EIF1: variants seen among roughly 807,000 people sequenced by gnomAD.
The protein encoded by EIF1 is eukaryotic translation initiation factor 1.
Under a neutral mutation model 13.7 loss-of-function variants are expected in EIF1, and 4 were observed. That is an observed-to-expected ratio of 0.29 (90% CI 0.14 to 0.67). The LOEUF (loss-of-function observed/expected upper bound fraction) is 0.67, where lower values mean the gene tolerates loss of function less well. EIF1 is among the 30% of genes least tolerant of loss of function. The pLI is 0.77. For missense variants in EIF1, 64 were observed against 138.0 expected (o/e 0.46, Z 2.69); for synonymous variants, 67 against 50.7 (o/e 1.32, Z -1.37).
In EIF1 at chr17:41,689,130, C is replaced by T. The variant is rs1910287261; in HGVS notation, c.31+61C>T. The T allele has an allele frequency of 3.2e-6, 5 of 1,585,752 alleles. No homozygotes were observed. The South Asian group carries it at 4.4e-5, about 14-fold the overall frequency. Reference sequence around the variant, plus strand: ...CAGCGGGGCCTTCCGGGCCCGGAGACGTGTTCCGGGAAGTTGCCAAGCGCT... The same window carrying T: ...CAGCGGGGCCTTCCGGGCCCGGAGATGTGTTCCGGGAAGTTGCCAAGCGCT... On this transcript the variant is annotated intron_variant, in intron 1 of 3. Transcript: ENST00000469257.
At chr17:41,689,236 G>A (rs1910291172) in intron 1 of EIF1, 167 bp downstream of exon 1, 2 of 768,818 alleles carry the variant, frequency 2.6e-6, no homozygotes, top group Admixed American at 5.4e-5. Context: ...CCCGGGGTCG[G>A]ACCCTGAGCG....
intron 3 of EIF1, 33 bp downstream of exon 3, chr17:41,690,222 C>A (rs372605679): frequency 1.3e-6 from 2 of 1,560,098 alleles, no homozygotes; most frequent in Non-Finnish European, 1.8e-6. Context: ...TTGTGCCTCT[C>A]TGCTGGCAAA....
chr17:41,691,083 C>A lies in EIF1; in HGVS notation c.*257C>A, dbSNP rs900617676. On this transcript the variant is annotated 3_prime_UTR_variant, in exon 4 of 4. Transcript: ENST00000469257. ...GTGTCAAGCCTGAAACCAAGCAATA[C>A]CGTCATGTTTCAGCCAAGCCCAGAG... 1 of 564,198 alleles carries A rather than the reference C, an allele frequency of 1.8e-6. No homozygotes were observed. The highest frequency in any genetic ancestry group is 1.9e-5 in the African/African-American group (1 of 53,568). The allele number at this position is 564,198 out of a possible 1,614,324, so 34.9% of individuals were successfully genotyped here. A position where few individuals can be genotyped will look rare whatever the true frequency, so the allele number is the denominator to read the frequency against.
chr17:41,690,023 C>T (rs772993621), intron 2 of EIF1, 65 bp from the exon 3 acceptor site: 20 of 1,609,194 alleles, frequency 1.2e-5, no homozygotes, highest in Non-Finnish European at 1.5e-5. Flanking sequence ...GTATTGTTAG[C>T]GGAAGGGGTG....
intron 1 of EIF1, 58 bp downstream of exon 1, chr17:41,689,127 A>G: frequency 6.3e-7 from 1 of 1,592,856 alleles, no homozygotes; most frequent in African/African-American, 1.3e-5. Flanking sequence ...CCGGGCCCGG[A>G]GACGTGTTCC....
rs983870939 is a variant in EIF1 at position 41,692,573 on chromosome 17, A to G, written c.*1747A>G. The G allele has an allele frequency of 6.6e-6, 1 of 152,182 alleles. No individual in the cohort carries two copies. Among genetic ancestry groups the G allele is most frequent in the Non-Finnish European group, 1.5e-5 (1 of 68,038 alleles). 9.4% of individuals were successfully genotyped at this position (152,182 alleles called of 1,614,324 possible). ...GATTATAATACTGTATTTTTACTGTACCTTTTAACATTGTGTTACAATGGC... is the reference window on the plus strand; with the variant it reads ...GATTATAATACTGTATTTTTACTGTGCCTTTTAACATTGTGTTACAATGGC... On this transcript the variant is annotated 3_prime_UTR_variant, in exon 4 of 4. Transcript: ENST00000469257.
rs202075091 is a variant in EIF1 at position 41,690,830 on chromosome 17, C to T, written c.*4C>T. 2.9e-5 allele frequency: 46 copies of T among 1,613,486 alleles called. No individual in the cohort carries two copies. The African/African-American group carries it at 5.3e-4, about 19-fold the overall frequency. On this transcript the variant is annotated 3_prime_UTR_variant, in exon 4 of 4. Transcript: ENST00000469257. ...GCTGAAGGTTCATGGGTTTTAAGTG[C>T]TTGTGGCTCACTGAAGCTTAAGTGA...
intron 1 of EIF1, chr17:41,689,290 G>A (rs1443771549): frequency 6.6e-6 from 4 of 608,258 alleles, no homozygotes; most frequent in South Asian, 3.9e-5. Context: ...GGGCGGGCCC[G>A]GCGTCTCAGT....
In EIF1 at chr17:41,689,985, C is replaced by T. The variant is rs1403618867; in HGVS notation, c.195+44C>T. On this transcript the variant is annotated intron_variant, in intron 2 of 3. Transcript: ENST00000469257. ...TTTGGGAAAGTCATAATGGATTTGT[C>T]CACAAGGGGGTGCCAGCTGTGTTGT... 14 of 1,611,684 alleles carry T rather than the reference C, an allele frequency of 8.7e-6. No individual in the cohort carries two copies. In the East Asian group the frequency reaches 1.1e-4, roughly 13 times the overall value.
At position 41,692,111 on chromosome 17, in the gene EIF1, C is replaced by G. The variant is rs1224689219; in HGVS notation, c.*1285C>G. The G allele has an allele frequency of 6.6e-6, 1 of 152,290 alleles. No individual in the cohort carries two copies. The highest frequency in any genetic ancestry group is 2.4e-5 in the African/African-American group (1 of 41,456). The allele number at this position is 152,290 out of a possible 1,614,324, so 9.4% of individuals were successfully genotyped here. A position where few individuals can be genotyped will look rare whatever the true frequency, so the allele number is the denominator to read the frequency against. On this transcript the variant is annotated 3_prime_UTR_variant, in exon 4 of 4. Coordinates refer to ENST00000469257, the MANE Select transcript of EIF1 (RefSeq NM_005801.4). Reference sequence around the variant, plus strand: ...ATGCCCAGCAGGTCAACTGTTTTTGCAAGCATTTAGCCAGAGTCATGCTGT... The same window carrying G: ...ATGCCCAGCAGGTCAACTGTTTTTGGAAGCATTTAGCCAGAGTCATGCTGT...
intron 1 of EIF1, 171 bp downstream of exon 1, chr17:41,689,240 C>T (rs1910291401): frequency 9.3e-6 from 7 of 749,112 alleles, no homozygotes; most frequent in South Asian, 3.5e-5. Context: ...GGGTCGGACC[C>T]TGAGCGCGAC....
intron 3 of EIF1, 83 bp from the exon 4 acceptor site, chr17:41,690,699 G>A (rs1910349779): frequency 1.3e-6 from 2 of 1,498,514 alleles, no homozygotes; most frequent in Admixed American, 1.7e-5. Context: ...GTAGTAGCAG[G>A]AAGACAGGGT....
At position 41,692,357 on chromosome 17, in the gene EIF1, GAAGTT is replaced by G. The variant is rs1376508280; in HGVS notation, c.*1536_*1540del. 6.6e-6 allele frequency: 1 copy of G among 152,188 alleles called. No individual in the cohort carries two copies. The highest frequency in any genetic ancestry group is 1.9e-4 in the East Asian group (1 of 5,202). 9.4% of individuals were successfully genotyped at this position (152,188 alleles called of 1,614,324 possible). On this transcript the variant is annotated 3_prime_UTR_variant, in exon 4 of 4. Transcript: ENST00000469257. Reference sequence around the variant, plus strand: ...TTTAATGACAAGTATTTGAAGAGCTGAAGTTAAGTGTTGGGAGGCCATCCCTTATG... The same window carrying G: ...TTTAATGACAAGTATTTGAAGAGCTGAAGTGTTGGGAGGCCATCCCTTATG...
chr17:41,689,396 GGATCCGGAGGGAAA>G (rs1175817914), intron 1 of EIF1: 3 of 519,736 alleles, frequency 5.8e-6, no homozygotes, highest in Non-Finnish European at 1.0e-5. Flanking sequence ...CCGTTGTCAC[GGATCCGGAGGGAAA>G]GGCGGTGCCA....
chr17:41,690,693 T>C, intron 3 of EIF1, 89 bp from the exon 4 acceptor site: 1 of 1,452,370 alleles, frequency 6.9e-7, no homozygotes, highest in East Asian at 2.3e-5. Context: ...GGCAGTGTAG[T>C]AGCAGGAAGA....
intron 1 of EIF1, 178 bp downstream of exon 1, chr17:41,689,247 C>G (rs183166164): frequency 1.4e-6 from 1 of 710,408 alleles, no homozygotes; most frequent in Non-Finnish European, 2.3e-6. Flanking sequence ...ACCCTGAGCG[C>G]GACCGGAAGG....
Position 41,691,050 on chromosome 17 carries a change from G to C in EIF1, c.*224G>C. The C allele has an allele frequency of 1.7e-6, 1 of 573,648 alleles. No homozygotes were observed. The highest frequency in any genetic ancestry group is 4.7e-4 in the Middle Eastern group (1 of 2,116). The allele number at this position is 573,648 out of a possible 1,614,324, so 35.5% of individuals were successfully genotyped here. A position where few individuals can be genotyped will look rare whatever the true frequency, so the allele number is the denominator to read the frequency against. On this transcript the variant is annotated 3_prime_UTR_variant, in exon 4 of 4. Coordinates refer to ENST00000469257, the MANE Select transcript of EIF1 (RefSeq NM_005801.4). The stretch of plus-strand genomic sequence containing the variant: ...TTTAAACAGAGGTCAAGCAATAGGC[G>C]CCTGGCAGTGTCAAGCCTGAAACCA...
intron 1 of EIF1, chr17:41,689,554 C>G (rs1353127887): frequency 2.0e-6 from 1 of 506,962 alleles, no homozygotes; most frequent in Non-Finnish European, 3.5e-6. Flanking sequence ...ATGTGATCGG[C>G]TTCCCAGGGA....
rs746869778 is a variant in EIF1 at position 41,691,171 on chromosome 17, C to T, written c.*345C>T. On this transcript the variant is annotated 3_prime_UTR_variant, in exon 4 of 4. Transcript: ENST00000469257. ...AGCTCTCCCTCTGCAGAGTTCCCTACCCTAAGAGAATGTTACCACCTGAAC... is the reference window on the plus strand; with the variant it reads ...AGCTCTCCCTCTGCAGAGTTCCCTATCCTAAGAGAATGTTACCACCTGAAC... 1.8e-4 allele frequency: 84 copies of T among 472,506 alleles called. No individual in the cohort carries two copies. The highest frequency in any genetic ancestry group is 1.8e-4 in the South Asian group (4 of 22,760). The allele number at this position is 472,506 out of a possible 1,614,324, so 29.3% of individuals were successfully genotyped here.
Sources: gnomAD v4.1 joint callset for allele counts on GRCh38, gnomAD v4.1.1 for gene constraint, MANE v1.5 for transcripts, NCBI Gene and HGNC (gene_info 2026-07-23, HGNC 2026-07-21) for gene names.